Variants in CUX1 observed in about 807,000 individuals in gnomAD.
CUX1 encodes protein CASP.
Under a neutral mutation model 158.8 loss-of-function variants are expected in CUX1, and 31 were observed. The observed-to-expected ratio is 0.20, with a 90% CI of 0.15 to 0.26. The LOEUF (loss-of-function observed/expected upper bound fraction) is 0.26. Among genes scored for constraint, CUX1 ranks in the 10% least tolerant of loss-of-function variants. The probability of loss-of-function intolerance (pLI) is 1.00; values close to 1 mark genes in which losing one functional copy is unlikely to be tolerated. For missense variants in CUX1, 1,589 were observed against 2,014.6 expected, an observed-to-expected ratio of 0.79 and a Z score of 4.04; for synonymous variants, 879 against 862.1, an observed-to-expected ratio of 1.02 and a Z score of -0.34.
At chr7:101,948,672 T>C (rs1808673302) in intron 2 of CUX1, among the ~76,000 whole-genome samples, 2 of 152,122 alleles carry the variant, frequency 1.3e-5, no homozygotes, top group Admixed American at 6.6e-5. Flanking sequence ...GTGGCTCTGC[T>C]GGGGGGGCAT....
intron 16 of CUX1, among the ~76,000 whole-genome samples, chr7:102,275,018 C>A (rs1325387292): frequency 6.6e-6 from 1 of 152,178 alleles, no homozygotes; most frequent in Non-Finnish European, 1.5e-5. Flanking sequence ...CCTTCCCCAG[C>A]GTGCGTATTG....
intron 3 of CUX1, among the ~76,000 whole-genome samples, chr7:102,050,262 G>T (rs1344231120): frequency 6.6e-6 from 1 of 152,216 alleles, no homozygotes; most frequent in African/African-American, 2.4e-5. Flanking sequence ...TCGCAGAGCA[G>T]CGACGTTATA....
chr7:102,097,325 C>A, intron 4 of CUX1, 39 bp from the exon 5 acceptor site: 1 of 1,580,730 alleles, frequency 6.3e-7, no homozygotes, highest in Non-Finnish European at 8.6e-7. Context: ...GGCCTGTTTG[C>A]TGGCCGAGTG....
At chr7:102,198,574 C>T (rs782344205) in intron 15 of CUX1, among the ~76,000 whole-genome samples, 3 of 152,218 alleles carry the variant, frequency 2.0e-5, no homozygotes, top group Non-Finnish European at 2.9e-5. Context: ...TGCCGTAGGT[C>T]GCTACTTAGA....
intron 20 of CUX1, among the ~76,000 whole-genome samples, chr7:102,218,956 G>T (rs1318589035): frequency 6.6e-6 from 1 of 151,454 alleles, no homozygotes; most frequent in Non-Finnish European, 1.5e-5. Context: ...AGGAGGCAGG[G>T]GTGGGAAGAT....
At chr7:102,080,587 T>C (rs1284315883) in intron 4 of CUX1, among the ~76,000 whole-genome samples, 1 of 152,144 alleles carries the variant, frequency 6.6e-6, no homozygotes, top group Non-Finnish European at 1.5e-5. Context: ...ATGAGCCTCA[T>C]GTCTATTAAG....
At chr7:102,265,978 T>C (rs1586498775) in intron 14 of CUX1, among the ~76,000 whole-genome samples, 1 of 151,816 alleles carries the variant, frequency 6.6e-6, no homozygotes, top group Non-Finnish European at 1.5e-5. Context: ...CCGAGGTGGG[T>C]GGGTCACTTC....
chr7:102,274,146 GC>G, intron 15 of CUX1: 1 of 1,229,200 alleles, frequency 8.1e-7, no homozygotes, highest in Non-Finnish European at 1.2e-6. Flanking sequence ...CCCACTCCTT[GC>G]CACACCCACC....
chr7:102,248,263 C>G lies in CUX1; in HGVS notation c.3888-149C>G. ...TGGTGACTCTGGAGAGGGGCTGCCC[C>G]GTGGCCCGAGGGTCGCTGGAGGGGC... On this transcript the variant is annotated intron_variant, in intron 23 of 23. Transcript: ENST00000292535. The surrounding 1 kb of genome is among the most constrained non-coding windows in gnomAD (Gnocchi z 5.8). 1 of 688,752 alleles carries G rather than the reference C, an allele frequency of 1.5e-6. No individual in the cohort carries two copies. Among genetic ancestry groups the G allele is most frequent in the Middle Eastern group, 3.5e-4 (1 of 2,834 alleles). 42.7% of individuals were successfully genotyped at this position (688,752 alleles called of 1,614,324 possible).
intron 8 of CUX1, among the ~76,000 whole-genome samples, chr7:102,120,466 G>A (rs1480672926): frequency 6.6e-6 from 1 of 152,116 alleles, no homozygotes; most frequent in African/African-American, 2.4e-5. Flanking sequence ...AGTAAAATTC[G>A]TATTTCTTAA....
At chr7:101,907,336 ATTTATT>A (rs1166852074) in intron 1 of CUX1, among the ~76,000 whole-genome samples, 4 of 151,822 alleles carry the variant, frequency 2.6e-5, no homozygotes, top group Admixed American at 2.0e-4. Flanking sequence ...ATGAGATTTT[ATTTATT>A]TTTATTTTTA....
chr7:102,225,183 T>G (rs1798221837), intron 20 of CUX1, among the ~76,000 whole-genome samples: 1 of 152,180 alleles, frequency 6.6e-6, no homozygotes, highest in African/African-American at 2.4e-5. Flanking sequence ...TCTACATCTT[T>G]CAAAAACCGG....
intron 1 of CUX1, among the ~76,000 whole-genome samples, chr7:101,899,210 C>A (rs900674701): frequency 6.6e-6 from 1 of 152,180 alleles, no homozygotes; most frequent in Admixed American, 6.5e-5. Context: ...GGCCTTTTGC[C>A]CTTCAAACCA....
intron 20 of CUX1, among the ~76,000 whole-genome samples, chr7:102,281,569 A>G (rs1445956334): frequency 1.3e-5 from 2 of 152,090 alleles, no homozygotes; most frequent in East Asian, 1.9e-4. Flanking sequence ...AGGCTGAGGC[A>G]GGAGAATCAC....
intron 8 of CUX1, among the ~76,000 whole-genome samples, chr7:102,124,013 A>G (rs1469776297): frequency 2.0e-5 from 3 of 152,192 alleles, no homozygotes; most frequent in African/African-American, 7.2e-5. Flanking sequence ...AGAGAAAATC[A>G]TTATTCACAG....
At chr7:102,279,033 C>T (rs1791843737) in intron 18 of CUX1, among the ~76,000 whole-genome samples, 1 of 151,972 alleles carries the variant, frequency 6.6e-6, no homozygotes, top group Admixed American at 6.6e-5. Context: ...GAGCAAGACC[C>T]TGCCTCCAAA....
chr7:102,042,554 A>T (rs1822238839), intron 3 of CUX1, among the ~76,000 whole-genome samples: 1 of 152,122 alleles, frequency 6.6e-6, no homozygotes, highest in Non-Finnish European at 1.5e-5. Context: ...GAGTCACCTG[A>T]ACATACTTTT....
In CUX1 at chr7:102,060,608, A is replaced by ACACACACACACACACACAC. The variant is rs1824723298; in HGVS notation, c.190-9731_190-9730insCACACACACACACACACAC. On this transcript the variant is annotated intron_variant, in intron 3 of 23. Coordinates refer to ENST00000292535, the MANE Select transcript of CUX1 (RefSeq NM_181552.4). Reference sequence around the variant, plus strand: ...ATATATATATACACACACACAAATAAACACACACACACACACACACACACA... The same window carrying ACACACACACACACACACAC: ...ATATATATATACACACACACAAATAACACACACACACACACACACACACACACACACACACACACACACA... Among the ~76,000 whole-genome samples the ACACACACACACACACACAC allele has an allele frequency of 1.2e-4, 16 of 133,304 alleles. No homozygotes were observed. In the East Asian group the frequency reaches 3.0e-3, roughly 25 times the overall value. The allele number at this position is 133,304 out of a possible 152,430, so 87.5% of individuals were successfully genotyped here.
chr7:101,827,729 G>A (rs970791299), intron 1 of CUX1, among the ~76,000 whole-genome samples: 4 of 152,166 alleles, frequency 2.6e-5, no homozygotes, highest in African/African-American at 7.2e-5. Context: ...GTGATATACT[G>A]TATTCTTAGA....
Sources: gnomAD v4.1 joint callset for allele counts (sites outside exome capture counted in the v4.1 genomes callset) on GRCh38, gnomAD v4.1.1 for gene constraint, Gnocchi (gnomAD v3.1) non-coding constraint, MANE v1.5 for transcripts, NCBI Gene and HGNC (gene_info 2026-07-23, HGNC 2026-07-21) for gene names.